The following FH variants were observed in gnomAD, a reference collection of about 807,000 sequenced individuals.
FH encodes fumarate hydratase, mitochondrial.
FH carries 22 observed loss-of-function variants against 49.4 expected under a neutral mutation model. That is an observed-to-expected ratio of 0.45 (90% CI 0.32 to 0.64). The LOEUF (loss-of-function observed/expected upper bound fraction) is 0.64, where lower values mean the gene tolerates loss of function less well. FH is among the 30% of genes least tolerant of loss of function. FH has a pLI of 0.05. For missense variants in FH, 526 were observed against 641.5 expected, an observed-to-expected ratio of 0.82 and a Z score of 1.95; for synonymous variants, 208 against 223.0, an observed-to-expected ratio of 0.93 and a Z score of 0.60.
intron 1 of FH, among the ~76,000 whole-genome samples, chr1:241,518,630 T>G (rs1573889257): frequency 6.6e-6 from 1 of 152,224 alleles, no homozygotes; most frequent in African/African-American, 2.4e-5. Flanking sequence ...TTTTGCTGAG[T>G]AGCTGTAAGT....
At chr1:241,505,373 A>C (rs1314386542) in intron 6 of FH, among the ~76,000 whole-genome samples, 1 of 152,194 alleles carries the variant, frequency 6.6e-6, no homozygotes, top group African/African-American at 2.4e-5. Flanking sequence ...CATTTGCCAA[A>C]CCCTAAAAGT....
rs1197652523 is a variant in FH at position 241,500,376 on chromosome 1, A to C, written c.1390+61T>G. On this transcript the variant is annotated intron_variant, in intron 9 of 9. Coordinates refer to ENST00000366560, the MANE Select transcript of FH (RefSeq NM_000143.4). ...CAAACACTGATCCACTTGTCTCTTA[A>C]AAATGGTTTAGCTTTTTAATTTTGC... 2.6e-6 allele frequency: 4 copies of C among 1,547,584 alleles called. No homozygotes were observed. The East Asian group carries it at 6.7e-5, about 26-fold the overall frequency.
intron 6 of FH, among the ~76,000 whole-genome samples, chr1:241,504,463 AG>A (rs1659863238): frequency 6.6e-6 from 1 of 152,180 alleles, no homozygotes; most frequent in African/African-American, 2.4e-5. Context: ...TTTTTCAGAC[AG>A]GGTCTCACTC....
In FH at chr1:241,497,836, G is replaced by T; in HGVS notation, c.1525C>A (p.Pro509Thr). 1 of 1,605,794 alleles carries T rather than the reference G, an allele frequency of 6.2e-7. No individual in the cohort carries two copies. The highest frequency in any genetic ancestry group is 1.1e-5 in the South Asian group (1 of 90,388). ...EWVKPKDMLG[P>T]K Reference sequence around the variant, plus strand: ...TTATAAATTTATGTAAATCACTTTGGACCCAGCATGTCCTTAGGTTTTACC... The same window carrying T: ...TTATAAATTTATGTAAATCACTTTGTACCCAGCATGTCCTTAGGTTTTACC... The change falls in exon 10 of 10, where the codon CCA becomes ACA. Residue 509 changes from proline to threonine, a missense_variant. Around this residue, in one of 2 missense-constraint regions of FH, gnomAD observed 383 missense variants for 514.0 expected, o/e 0.75. Coordinates refer to ENST00000366560, the MANE Select transcript of FH (RefSeq NM_000143.4).
intron 4 of FH, among the ~76,000 whole-genome samples, chr1:241,508,999 C>T (rs1409554846): frequency 1.3e-5 from 2 of 150,902 alleles, no homozygotes; most frequent in East Asian, 1.9e-4. Context: ...GTATTATACA[C>T]ATTAAGTATA....
At chr1:241,500,368 G>A (rs980648661) in intron 9 of FH, 69 bp downstream of exon 9, 4 of 1,468,384 alleles carry the variant, frequency 2.7e-6, no homozygotes, top group Non-Finnish European at 3.8e-6. Flanking sequence ...TGATCCACTT[G>A]TCTCTTAAAA....
At chr1:241,509,185 G>C (rs959361496) in intron 4 of FH, among the ~76,000 whole-genome samples, 7 of 151,466 alleles carry the variant, frequency 4.6e-5, no homozygotes, top group Non-Finnish European at 7.4e-5. Flanking sequence ...TATCTTCAAT[G>C]TAGTTGAATA....
rs2147913445 is a variant in FH at position 241,500,600 on chromosome 1, A to G, written c.1237-10T>C. 1.3e-6 allele frequency: 2 copies of G among 1,587,326 alleles called. No individual in the cohort carries two copies. Among genetic ancestry groups the G allele is most frequent in the East Asian group, 4.5e-5 (2 of 44,066 alleles). On this transcript the variant is annotated splice_polypyrimidine_tract_variant and intron_variant, in intron 8 of 9. Coordinates refer to ENST00000366560, the MANE Select transcript of FH (RefSeq NM_000143.4). ...GTAACACATTTTTAATCTTTGAGTG[A>G]GTGAGAGAGAGAGAGAGAGAGAGAG...
intron 4 of FH, among the ~76,000 whole-genome samples, chr1:241,509,813 A>G (rs1318292161): frequency 5.4e-5 from 8 of 148,014 alleles, no homozygotes; most frequent in African/African-American, 2.1e-4. Flanking sequence ...ACACACACAC[A>G]CACACACACA....
intron 1 of FH, chr1:241,518,993 G>A (rs1367760934): frequency 2.0e-5 from 3 of 152,328 alleles, no homozygotes; most frequent in East Asian, 3.8e-4. Context: ...GGAAACCATA[G>A]TCAGCCTAAC....
chr1:241,500,001 C>T (rs1044819534), intron 9 of FH, among the ~76,000 whole-genome samples: 4 of 152,124 alleles, frequency 2.6e-5, no homozygotes, highest in Admixed American at 6.5e-5. Context: ...CTTTCCATTT[C>T]TGAATTGAAT....
At chr1:241,503,267 A>G (rs1659827734) in intron 7 of FH, among the ~76,000 whole-genome samples, 1 of 152,212 alleles carries the variant, frequency 6.6e-6, no homozygotes, top group Non-Finnish European at 1.5e-5. Flanking sequence ...TTCAACATGA[A>G]GTACTTTAAA....
At chr1:241,501,197 T>C (rs560567886) in intron 8 of FH, among the ~76,000 whole-genome samples, 1 of 152,312 alleles carries the variant, frequency 6.6e-6, no homozygotes, top group East Asian at 1.9e-4. Context: ...TTGGCAACAT[T>C]TCCAATATTT....
chr1:241,519,420 G>A, intron 1 of FH, 171 bp downstream of exon 1: 1 of 740,276 alleles, frequency 1.4e-6, no homozygotes. Flanking sequence ...CGCCGGAAGA[G>A]GCGTCCCGAG....
intron 5 of FH, among the ~76,000 whole-genome samples, chr1:241,506,926 A>G (rs1558398792): frequency 1.3e-5 from 2 of 152,212 alleles, no homozygotes; most frequent in Non-Finnish European, 2.9e-5. Flanking sequence ...ACCAAGATAC[A>G]TGGTTACACT....
At chr1:241,498,110 C>T (rs1659671088) in intron 9 of FH, 140 bp from the exon 10 acceptor site, 2 of 752,726 alleles carry the variant, frequency 2.7e-6, no homozygotes, top group Admixed American at 2.2e-5. Flanking sequence ...AATTAGTTAA[C>T]AGTGATTATC....
At chr1:241,510,848 A>T (rs999982760) in intron 4 of FH, among the ~76,000 whole-genome samples, 2 of 152,136 alleles carry the variant, frequency 1.3e-5, no homozygotes, top group South Asian at 2.1e-4. Context: ...GAAAAATTAT[A>T]ATTTTACCAT....
At chr1:241,515,918 T>C (rs1660199424) in intron 2 of FH, among the ~76,000 whole-genome samples, 1 of 152,230 alleles carries the variant, frequency 6.6e-6, no homozygotes, top group Non-Finnish European at 1.5e-5. Flanking sequence ...TAATTGAATG[T>C]GGTAGAAAGT....
intron 3 of FH, 71 bp downstream of exon 3, chr1:241,513,532 C>A: frequency 8.9e-7 from 1 of 1,124,182 alleles, no homozygotes; most frequent in South Asian, 1.2e-5. Flanking sequence ...TTCCTTCTGC[C>A]AGAGCATATC....
Sources: allele counts gnomAD v4.1 joint callset (sites outside exome capture counted in the v4.1 genomes callset), GRCh38; gene constraint gnomAD v4.1.1; regional missense constraint gnomAD v4.1.1; transcripts MANE v1.5; gene names NCBI Gene and HGNC (gene_info 2026-07-23, HGNC 2026-07-21).